Variants in SPIN1 observed in about 807,000 individuals in gnomAD.
The protein encoded by SPIN1 is spindlin 1.
Under a neutral mutation model 26.0 loss-of-function variants are expected in SPIN1, and 3 were observed. The observed-to-expected ratio is 0.12, with a 90% confidence interval of 0.05 to 0.30. The LOEUF (loss-of-function observed/expected upper bound fraction) is 0.30. Among genes scored for constraint, SPIN1 ranks in the 10% least tolerant of loss-of-function variants. SPIN1 has a pLI of 1.00. For missense variants in SPIN1, 126 were observed against 333.4 expected (o/e 0.38, Z 4.84); for synonymous variants, 101 against 116.5 (o/e 0.87, Z 0.86).
intron 1 of SPIN1, among the ~76,000 whole-genome samples, chr9:88,413,946 G>T (rs1271876583): frequency 2.0e-5 from 3 of 151,890 alleles, no homozygotes; most frequent in Non-Finnish European, 4.4e-5. Context: ...CAAATGTGGA[G>T]GTTTCCATCA....
chr9:88,409,506 G>A (rs10123897), intron 1 of SPIN1, among the ~76,000 whole-genome samples: 1 of 151,650 alleles, frequency 6.6e-6, no homozygotes, highest in Non-Finnish European at 1.5e-5. Context: ...TGGGAACACC[G>A]TGGTTCAGTT....
At chr9:88,431,792 A>T (rs1388408571) in intron 2 of SPIN1, among the ~76,000 whole-genome samples, 1 of 152,290 alleles carries the variant, frequency 6.6e-6, no homozygotes, top group East Asian at 1.9e-4. Flanking sequence ...CTCATAAACT[A>T]TAATCCCAGC....
intron 1 of SPIN1, among the ~76,000 whole-genome samples, chr9:88,409,965 C>T (rs1485650924): frequency 1.3e-5 from 2 of 151,284 alleles, no homozygotes; most frequent in African/African-American, 4.9e-5. Context: ...CCCCCTGTAA[C>T]CCCCTTTGGT....
intron 1 of SPIN1, among the ~76,000 whole-genome samples, chr9:88,407,928 A>AT (rs1827344453): frequency 6.6e-6 from 1 of 151,486 alleles, no homozygotes; most frequent in African/African-American, 2.4e-5. Flanking sequence ...ATGCTTGGCT[A>AT]TTTTTTGTGG....
In SPIN1 at chr9:88,412,708, A is replaced by G. The variant is rs185519011; in HGVS notation, c.-158-13674A>G. 1.3e-3 allele frequency among the ~76,000 whole-genome samples: 200 copies of G among 151,744 alleles called. 1 individual carries two copies. Among genetic ancestry groups the G allele is most frequent in the African/African-American group, 4.6e-3 (189 of 41,366 alleles). ...GTCAGTAATTTTTTTTTTTTTAGACAGTCTCACTCAGTCACCCAGGCTAGA... is the reference window on the plus strand; with the variant it reads ...GTCAGTAATTTTTTTTTTTTTAGACGGTCTCACTCAGTCACCCAGGCTAGA... On this transcript the variant is annotated intron_variant, in intron 1 of 5. Transcript: ENST00000375859.
intron 2 of SPIN1, among the ~76,000 whole-genome samples, 184 bp from the exon 3 acceptor site, chr9:88,448,757 A>G (rs897087466): frequency 2.6e-5 from 4 of 152,098 alleles, no homozygotes; most frequent in African/African-American, 2.4e-5. Context: ...TCTTTCAAGA[A>G]TCTCTTGTGT....
intron 2 of SPIN1, among the ~76,000 whole-genome samples, chr9:88,437,012 G>C (rs568695936): frequency 6.6e-6 from 1 of 151,792 alleles, no homozygotes; most frequent in Non-Finnish European, 1.5e-5. Context: ...TGATCCGCCC[G>C]CCTCGGCCTC....
intron 1 of SPIN1, among the ~76,000 whole-genome samples, chr9:88,403,197 A>G (rs1405068152): frequency 6.6e-6 from 1 of 152,048 alleles, no homozygotes; most frequent in East Asian, 1.9e-4. Flanking sequence ...GTCCTTTGTC[A>G]TGAATGGTTT....
chr9:88,425,431 G>A (rs1170275177), intron 1 of SPIN1, among the ~76,000 whole-genome samples: 1 of 152,098 alleles, frequency 6.6e-6, no homozygotes, highest in African/African-American at 2.4e-5. Context: ...TGTAATCCCA[G>A]CACTTTGGGA....
intron 1 of SPIN1, among the ~76,000 whole-genome samples, chr9:88,390,382 T>C (rs1264684286): frequency 6.6e-6 from 1 of 152,232 alleles, no homozygotes; most frequent in Non-Finnish European, 1.5e-5. Context: ...CAAATTTGGC[T>C]ATCATATTGA....
At position 88,468,699 on chromosome 9, in the gene SPIN1, T is replaced by C. The variant is rs959562316; in HGVS notation, c.589+94T>C. 5.3e-6 allele frequency: 4 copies of C among 759,936 alleles called. No individual in the cohort carries two copies. In the African/African-American group the frequency reaches 8.2e-5, roughly 16 times the overall value. The allele number at this position is 759,936 out of a possible 1,614,324, so 47.1% of individuals were successfully genotyped here. A position where few individuals can be genotyped will look rare whatever the true frequency, so the allele number is the denominator to read the frequency against. On this transcript the variant is annotated intron_variant, in intron 5 of 5. Coordinates refer to ENST00000375859, the MANE Select transcript of SPIN1 (RefSeq NM_006717.3). ...GATTGGCTCTTTTGCAGATACATTTTTATTTTTGGATATATGATTCTTTTA... is the reference window on the plus strand; with the variant it reads ...GATTGGCTCTTTTGCAGATACATTTCTATTTTTGGATATATGATTCTTTTA...
At chr9:88,453,220 G>A (rs148624467) in intron 3 of SPIN1, among the ~76,000 whole-genome samples, 23 of 152,102 alleles carry the variant, frequency 1.5e-4, no homozygotes, top group African/African-American at 5.1e-4. Context: ...AGCACAAAGT[G>A]ATGGTACTTT....
chr9:88,432,947 C>T (rs1827912300), intron 2 of SPIN1, among the ~76,000 whole-genome samples: 1 of 152,164 alleles, frequency 6.6e-6, no homozygotes, highest in African/African-American at 2.4e-5. Flanking sequence ...AACTATTGGG[C>T]TCAAGAGATC....
intron 2 of SPIN1, among the ~76,000 whole-genome samples, chr9:88,447,172 G>T (rs1289360959): frequency 6.6e-6 from 1 of 151,980 alleles, no homozygotes; most frequent in Non-Finnish European, 1.5e-5. Flanking sequence ...ACTGCTCTTT[G>T]TATCTCACAT....
chr9:88,465,900 T>G (rs1828658371), intron 4 of SPIN1, among the ~76,000 whole-genome samples: 1 of 152,174 alleles, frequency 6.6e-6, no homozygotes, highest in Non-Finnish European at 1.5e-5. Context: ...CATAACAGAT[T>G]GAGTGCTAAA....
At chr9:88,443,447 A>C (rs187587046) in intron 2 of SPIN1, among the ~76,000 whole-genome samples, 1 of 152,092 alleles carries the variant, frequency 6.6e-6, no homozygotes, top group African/African-American at 2.4e-5. Context: ...TTGTCCATCT[A>C]TTCTTTCATG....
At chr9:88,457,220 G>C (rs1564040295) in intron 3 of SPIN1, among the ~76,000 whole-genome samples, 1 of 152,122 alleles carries the variant, frequency 6.6e-6, no homozygotes, top group Non-Finnish European at 1.5e-5. Flanking sequence ...CATGTCACAA[G>C]TCTTTGTGAC....
At chr9:88,422,707 C>CT (rs1444443533) in intron 1 of SPIN1, among the ~76,000 whole-genome samples, 1 of 144,914 alleles carries the variant, frequency 6.9e-6, no homozygotes, top group African/African-American at 2.7e-5. Context: ...GGGAAGGACT[C>CT]TTTTTTCTTT....
intron 3 of SPIN1, among the ~76,000 whole-genome samples, chr9:88,454,192 G>A (rs1389473410): frequency 3.3e-5 from 5 of 152,142 alleles, no homozygotes; most frequent in African/African-American, 1.2e-4. Flanking sequence ...ACTGGTAAAT[G>A]AGAGTAAGAA....
Sources: allele counts gnomAD v4.1 joint callset (sites outside exome capture counted in the v4.1 genomes callset), GRCh38; gene constraint gnomAD v4.1.1; transcripts MANE v1.5; gene names NCBI Gene and HGNC (gene_info 2026-07-23, HGNC 2026-07-21).